The following WDR7 variants were observed in gnomAD, a reference collection of about 807,000 sequenced individuals.
The protein encoded by WDR7 is WD repeat-containing protein 7.
Under a neutral mutation model 169.4 loss-of-function variants are expected in WDR7, and 46 were observed. That is an observed-to-expected ratio of 0.27 (90% CI 0.21 to 0.35). The LOEUF is 0.35. Among genes scored for constraint, WDR7 ranks in the 10% least tolerant of loss-of-function variants. The pLI, the probability that WDR7 is intolerant of heterozygous loss-of-function variation, is 1.00. For synonymous variants in WDR7, 612 were observed against 666.8 expected (o/e 0.92, Z 1.27); for missense variants, 1,534 against 1,859.3 (o/e 0.83, Z 3.22).
intron 21 of WDR7, among the ~76,000 whole-genome samples, chr18:56,913,090 T>C (rs1316106711): frequency 6.6e-6 from 1 of 151,964 alleles, no homozygotes; most frequent in East Asian, 1.9e-4. Flanking sequence ...CCCAGGCTGG[T>C]CTTGATTGCC....
At chr18:56,818,636 A>T (rs895177935) in intron 20 of WDR7, among the ~76,000 whole-genome samples, 1 of 152,218 alleles carries the variant, frequency 6.6e-6, no homozygotes, top group Non-Finnish European at 1.5e-5. Flanking sequence ...GTGTGACTCG[A>T]TTAAGCTATG....
chr18:56,784,083 T>G (rs143664458), intron 19 of WDR7, among the ~76,000 whole-genome samples: 19 of 152,194 alleles, frequency 1.2e-4, no homozygotes, highest in Non-Finnish European at 5.9e-5. Context: ...ACAATAACCT[T>G]GTAAAGTACC....
At chr18:56,847,631 G>A (rs1020975519) in intron 20 of WDR7, among the ~76,000 whole-genome samples, 8 of 152,158 alleles carry the variant, frequency 5.3e-5, no homozygotes, top group Non-Finnish European at 1.2e-4. Context: ...TAGCGACCTA[G>A]AAGGAAAGAA....
At chr18:57,018,281 TAGA>T (rs2048235928) in intron 26 of WDR7, among the ~76,000 whole-genome samples, 1 of 152,250 alleles carries the variant, frequency 6.6e-6, no homozygotes, top group Admixed American at 6.5e-5. Context: ...CAGTTTTTCT[TAGA>T]AGAACTTTTA....
intron 26 of WDR7, among the ~76,000 whole-genome samples, chr18:56,994,471 T>C (rs1027150621): frequency 3.3e-5 from 5 of 152,220 alleles, no homozygotes; most frequent in African/African-American, 1.2e-4. Context: ...CTGTTAAATT[T>C]TTACCATTAA....
At position 57,027,499 on chromosome 18, in the gene WDR7, C is replaced by G; in HGVS notation, c.*292C>G. ...AAAGCCAGTGGTTCCTGGGAACGCT[C>G]TTGTTGCTTGGTGCAACAGAAGCAC... On this transcript the variant is annotated 3_prime_UTR_variant, in exon 28 of 28. Coordinates refer to ENST00000254442, the MANE Select transcript of WDR7 (RefSeq NM_015285.3). The G allele has an allele frequency of 8.8e-6, 4 of 453,994 alleles. No individual in the cohort carries two copies. The South Asian group carries it at 1.0e-4, about 12-fold the overall frequency. 28.1% of individuals were successfully genotyped at this position (453,994 alleles called of 1,614,324 possible). A position where few individuals can be genotyped will look rare whatever the true frequency, so the allele number is the denominator to read the frequency against.
chr18:56,906,587 A>T (rs2046480052), intron 21 of WDR7, among the ~76,000 whole-genome samples: 1 of 139,352 alleles, frequency 7.2e-6, no homozygotes, highest in Non-Finnish European at 1.5e-5. Flanking sequence ...CTTGTTGCCC[A>T]GGCTGGAATG....
chr18:56,704,978 G>A (rs2025916558), intron 12 of WDR7, among the ~76,000 whole-genome samples: 1 of 152,092 alleles, frequency 6.6e-6, no homozygotes. Context: ...TTCAAAATGA[G>A]TTTACATTTC....
chr18:56,682,174 G>A (rs1018459392), intron 4 of WDR7, among the ~76,000 whole-genome samples: 9 of 152,116 alleles, frequency 5.9e-5, no homozygotes, highest in Admixed American at 5.2e-4. Flanking sequence ...TACATATAAG[G>A]AAGCTGAGGC....
intron 20 of WDR7, among the ~76,000 whole-genome samples, chr18:56,863,009 A>G (rs1359854359): frequency 2.0e-5 from 3 of 151,894 alleles, no homozygotes; most frequent in African/African-American, 7.2e-5. Context: ...TACCAGTTTT[A>G]TTGAAGTTTC....
At chr18:56,844,833 T>C (rs1452095986) in intron 20 of WDR7, among the ~76,000 whole-genome samples, 1 of 152,208 alleles carries the variant, frequency 6.6e-6, no homozygotes, top group African/African-American at 2.4e-5. Context: ...CCTGGTATAG[T>C]AGTTCCTCCT....
chr18:56,671,108 A>C (rs998981982), intron 1 of WDR7, among the ~76,000 whole-genome samples: 1 of 152,300 alleles, frequency 6.6e-6, no homozygotes, highest in East Asian at 1.9e-4. Context: ...TTAATCTATT[A>C]CTATCTCAAA....
intron 16 of WDR7, among the ~76,000 whole-genome samples, chr18:56,770,069 T>G (rs2145013786): frequency 6.6e-6 from 1 of 152,316 alleles, no homozygotes; most frequent in African/African-American, 2.4e-5. Flanking sequence ...ATTTACTGAA[T>G]GAATGAATCT....
chr18:56,824,870 A>G (rs968531980), intron 20 of WDR7, among the ~76,000 whole-genome samples: 1 of 152,216 alleles, frequency 6.6e-6, no homozygotes, highest in Non-Finnish European at 1.5e-5. Context: ...AGATAGAACA[A>G]AAACCTGGAA....
At chr18:56,950,491 G>C (rs2047166223) in intron 25 of WDR7, among the ~76,000 whole-genome samples, 1 of 152,244 alleles carries the variant, frequency 6.6e-6, no homozygotes, top group South Asian at 2.1e-4. Context: ...TGATCTCATA[G>C]ACTTCTCAAA....
chr18:56,952,903 A>G (rs1049404418), intron 25 of WDR7, among the ~76,000 whole-genome samples: 2 of 152,198 alleles, frequency 1.3e-5, no homozygotes, highest in African/African-American at 4.8e-5. Flanking sequence ...GCAAAACTAT[A>G]GTCAGAAAAA....
chr18:57,021,782 G>A (rs544722806), intron 27 of WDR7, among the ~76,000 whole-genome samples: 25 of 152,264 alleles, frequency 1.6e-4, no homozygotes, highest in African/African-American at 6.0e-4. Context: ...TAGAATGCCA[G>A]TATGTTTTAT....
Position 56,730,537 on chromosome 18 carries a change from C to T in WDR7, c.1775-846C>T, listed in dbSNP as rs530136741. Among the ~76,000 whole-genome samples, 452 of 152,186 alleles carry T rather than the reference C, an allele frequency of 3.0e-3. 3 individuals are homozygous for T. The highest frequency in any genetic ancestry group is 0.01 in the African/African-American group (424 of 41,530). On this transcript the variant is annotated intron_variant, in intron 13 of 27. Coordinates refer to ENST00000254442, the MANE Select transcript of WDR7 (RefSeq NM_015285.3). The stretch of plus-strand genomic sequence containing the variant: ...ATCCCAGCACTTTGGGAGGCCGAGG[C>T]GGGCGGATCACGAGGTCAGGAGATC...
At chr18:56,934,031 T>G (rs187460199) in intron 22 of WDR7, among the ~76,000 whole-genome samples, 1 of 152,340 alleles carries the variant, frequency 6.6e-6, no homozygotes, top group Non-Finnish European at 1.5e-5. Flanking sequence ...TTTCCCAAAC[T>G]TGATTTCATT....
Sources: allele counts gnomAD v4.1 joint callset (sites outside exome capture counted in the v4.1 genomes callset), GRCh38; gene constraint gnomAD v4.1.1; transcripts MANE v1.5; gene names NCBI Gene and HGNC (gene_info 2026-07-23, HGNC 2026-07-21).